AXIN1: variants seen among roughly 807,000 people sequenced by gnomAD.
AXIN1 encodes axin-1.
Under a neutral mutation model 76.4 loss-of-function variants are expected in AXIN1, and 30 were observed. That is an observed-to-expected ratio of 0.39 (90% confidence interval 0.29 to 0.53). The LOEUF is 0.53. Among genes scored for constraint, AXIN1 ranks in the 20% least tolerant of loss-of-function variants. The pLI is 0.66. For missense variants in AXIN1, 1,140 were observed against 1,198.8 expected, an observed-to-expected ratio of 0.95 and a Z score of 0.72; for synonymous variants, 545 against 501.4, an observed-to-expected ratio of 1.09 and a Z score of -1.16.
chr16:287,788 T>C lies in AXIN1; in HGVS notation c.*334A>G, dbSNP rs543687441. 49 of 457,448 alleles carry C rather than the reference T, an allele frequency of 1.1e-4. No individual in the cohort carries two copies. In the East Asian group the frequency reaches 1.9e-3, roughly 17 times the overall value. The allele number at this position is 457,448 out of a possible 1,614,324, so 28.3% of individuals were successfully genotyped here. The stretch of plus-strand genomic sequence containing the variant: ...ACGTGGGCAAATCCCAGAGGGAAAG[T>C]AGATCCCAGCACACGTGCCCAAGGG... On this transcript the variant is annotated 3_prime_UTR_variant, in exon 11 of 11. Transcript: ENST00000262320.
intron 3 of AXIN1, among the ~76,000 whole-genome samples, chr16:313,055 G>A (rs1001886273): frequency 2.6e-5 from 4 of 151,594 alleles, no homozygotes; most frequent in African/African-American, 4.8e-5. Flanking sequence ...GCTCATGCCC[G>A]TAATCCCAGC....
intron 2 of AXIN1, among the ~76,000 whole-genome samples, chr16:333,280 C>T (rs2053731417): frequency 6.6e-6 from 1 of 151,244 alleles, no homozygotes; most frequent in Non-Finnish European, 1.5e-5. Flanking sequence ...TGCAGTGAGC[C>T]GAGATCGCAC....
intron 2 of AXIN1, among the ~76,000 whole-genome samples, chr16:332,344 A>G (rs531119604): frequency 3.0e-4 from 46 of 152,234 alleles, no homozygotes; most frequent in Middle Eastern, 3.4e-3. Context: ...TTGGGAGGCC[A>G]AGGCGGGCGG....
chr16:334,985 G>A (rs1035050091), intron 2 of AXIN1, among the ~76,000 whole-genome samples: 5 of 152,084 alleles, frequency 3.3e-5, no homozygotes, highest in East Asian at 1.9e-4. Context: ...CTTTTAAAAG[G>A]AGTTTCACTT....
chr16:295,484 GACTGCAGTGAACGGTGTGATTACACC>G (rs1232219959), intron 7 of AXIN1, among the ~76,000 whole-genome samples: 1 of 151,990 alleles, frequency 6.6e-6, no homozygotes, highest in Non-Finnish European at 1.5e-5. Flanking sequence ...AGGAGGCTGA[GACTGCAGTGAACGGTGTGATTACACC>G]ACTGCACTTC....
intron 4 of AXIN1, among the ~76,000 whole-genome samples, chr16:308,643 G>T (rs903309753): frequency 6.6e-6 from 1 of 152,234 alleles, no homozygotes; most frequent in African/African-American, 2.4e-5. Flanking sequence ...ATCAGAGGCC[G>T]GTGGCTGTGC....
At chr16:328,200 T>C (rs1367985297) in intron 2 of AXIN1, among the ~76,000 whole-genome samples, 1 of 152,174 alleles carries the variant, frequency 6.6e-6, no homozygotes, top group African/African-American at 2.4e-5. Flanking sequence ...AAGACCAGCC[T>C]GGACAACAAG....
chr16:328,752 C>T (rs1457562913), intron 2 of AXIN1, among the ~76,000 whole-genome samples: 1 of 152,112 alleles, frequency 6.6e-6, no homozygotes, highest in East Asian at 1.9e-4. Context: ...CACAGGAACC[C>T]AAACACTCAT....
intron 10 of AXIN1, 132 bp from the exon 11 acceptor site, chr16:288,380 T>C: frequency 7.4e-7 from 1 of 1,347,482 alleles, no homozygotes; most frequent in Non-Finnish European, 1.0e-6. Flanking sequence ...CCCCACTGCA[T>C]GTGCGCCCCC....
At chr16:346,022 A>T in intron 2 of AXIN1, 126 bp downstream of exon 2, 1 of 920,714 alleles carries the variant, frequency 1.1e-6, no homozygotes, top group Non-Finnish European at 1.7e-6. Flanking sequence ...CAGAACCAAA[A>T]TTCAACCCCA....
intron 6 of AXIN1, 48 bp from the exon 7 acceptor site, chr16:297,274 C>T (rs2141504999): frequency 6.3e-7 from 1 of 1,598,620 alleles, no homozygotes; most frequent in Non-Finnish European, 8.5e-7. Flanking sequence ...GTGGCCGAGG[C>T]TGTGCCCCTT....
At position 352,463 on chromosome 16, in the gene AXIN1, C is replaced by G. The variant is rs1435220524; in HGVS notation, c.-176G>C. On this transcript the variant is annotated 5_prime_UTR_variant, in exon 1 of 11. Coordinates refer to ENST00000262320, the MANE Select transcript of AXIN1 (RefSeq NM_003502.4). ...CTCAGCGGCAGCGCGGCGGGCGGGA[C>G]CCGGCGGGGGCGCGGCCCGGGGCGG... 1 of 970,782 alleles carries G rather than the reference C, an allele frequency of 1.0e-6. No individual in the cohort carries two copies. Among genetic ancestry groups the G allele is most frequent in the African/African-American group, 1.8e-5 (1 of 56,390 alleles). The allele number at this position is 970,782 out of a possible 1,614,324, so 60.1% of individuals were successfully genotyped here.
In AXIN1 at chr16:303,312, C is replaced by G. The variant is rs111614854; in HGVS notation, c.1254+992G>C. Among the ~76,000 whole-genome samples the G allele has an allele frequency of 5.3e-3, 814 of 152,222 alleles. 8 individuals are homozygous for G. The highest frequency in any genetic ancestry group is 0.018 in the African/African-American group (756 of 41,548). On this transcript the variant is annotated intron_variant, in intron 5 of 10. Coordinates refer to ENST00000262320, the MANE Select transcript of AXIN1 (RefSeq NM_003502.4). ...GGGGAGGAGCCAGGCCCCGCGTCTTCCTAGGTGGAACCTGGGATTCAATCT... is the reference window on the plus strand; with the variant it reads ...GGGGAGGAGCCAGGCCCCGCGTCTTGCTAGGTGGAACCTGGGATTCAATCT...
intron 2 of AXIN1, among the ~76,000 whole-genome samples, chr16:342,705 G>T (rs1265408057): frequency 2.6e-5 from 4 of 152,238 alleles, no homozygotes; most frequent in Non-Finnish European, 5.9e-5. Flanking sequence ...GCAACAGCGG[G>T]CCCATCCGTC....
intron 2 of AXIN1, among the ~76,000 whole-genome samples, chr16:330,445 A>T (rs916539862): frequency 6.6e-6 from 1 of 152,182 alleles, no homozygotes; most frequent in Non-Finnish European, 1.5e-5. Context: ...CATGAAGAAC[A>T]CTTTGAAAAT....
At chr16:302,571 G>A (rs560566782) in intron 5 of AXIN1, among the ~76,000 whole-genome samples, 41 of 152,126 alleles carry the variant, frequency 2.7e-4, no homozygotes, top group Non-Finnish European at 4.0e-4. Context: ...AGTGCCCGGC[G>A]CACGGTTTCC....
chr16:352,499 G>A lies in AXIN1; in HGVS notation c.-212C>T. On this transcript the variant is annotated 5_prime_UTR_variant, in exon 1 of 11. Coordinates refer to ENST00000262320, the MANE Select transcript of AXIN1 (RefSeq NM_003502.4). ...CGCGGCCCGGGGCGGCCCCCATCTC[G>A]GCGGCTGCGGCTCGGCGGCCCGGAG... 2.3e-6 allele frequency: 2 copies of A among 862,190 alleles called. No homozygotes were observed. The highest frequency in any genetic ancestry group is 2.8e-6 in the Non-Finnish European group (2 of 720,498). 53.4% of individuals were successfully genotyped at this position (862,190 alleles called of 1,614,324 possible).
intron 5 of AXIN1, among the ~76,000 whole-genome samples, chr16:298,709 C>T (rs1398801289): frequency 3.3e-5 from 5 of 151,854 alleles, no homozygotes; most frequent in Non-Finnish European, 7.4e-5. Context: ...GCGATTCTCA[C>T]CATATTGGCC....
chr16:329,495 G>T (rs2053649795), intron 2 of AXIN1, among the ~76,000 whole-genome samples: 1 of 152,082 alleles, frequency 6.6e-6, no homozygotes, highest in Admixed American at 6.6e-5. Context: ...GCCCAGGCTG[G>T]AGTGCAATGG....
Sources: gnomAD v4.1 joint callset for allele counts (sites outside exome capture counted in the v4.1 genomes callset) on GRCh38, gnomAD v4.1.1 for gene constraint, MANE v1.5 for transcripts, NCBI Gene and HGNC (gene_info 2026-07-23, HGNC 2026-07-21) for gene names.